RARS2: variants seen among roughly 807,000 people sequenced by gnomAD.
RARS2 encodes arginyl-tRNA synthetase 2, mitochondrial.
RARS2 carries 67 observed loss-of-function variants against 88.5 expected under a neutral mutation model. The ratio of observed to expected loss-of-function variants is 0.76; its 90% CI spans 0.62 to 0.93. The LOEUF is 0.93. Ranked by LOEUF, RARS2 falls within the 40% of genes least tolerant of loss-of-function variation. The pLI, the probability that RARS2 is intolerant of heterozygous loss-of-function variation, is 0.00. For synonymous variants in RARS2, 239 were observed against 230.3 expected, an observed-to-expected ratio of 1.04 and a Z score of -0.34; for missense variants, 664 against 684.2, an observed-to-expected ratio of 0.97 and a Z score of 0.33.
rs373101415 is a variant in RARS2 at position 87,530,960 on chromosome 6, C to A, written c.613-18G>T. The A allele has an allele frequency of 6.2e-7, 1 of 1,613,592 alleles. No homozygotes were observed. Among genetic ancestry groups the A allele is most frequent in the Non-Finnish European group, 8.5e-7 (1 of 1,179,920 alleles). On this transcript the variant is annotated intron_variant, in intron 8 of 19. Transcript: ENST00000369536. Reference sequence around the variant, plus strand: ...ACATAAACCTAAAAGTACAATAGTACATTAAATGAAGTACATAACAGGTCA... The same window carrying A: ...ACATAAACCTAAAAGTACAATAGTAAATTAAATGAAGTACATAACAGGTCA...
chr6:87,522,844 A>T, intron 11 of RARS2, among the ~76,000 whole-genome samples: 1 of 152,186 alleles, frequency 6.6e-6, no homozygotes, highest in Non-Finnish European at 1.5e-5. Context: ...TTCTGGCCTC[A>T]AGTGATCCTC....
chr6:87,547,002 T>C (rs951891341), intron 6 of RARS2, among the ~76,000 whole-genome samples: 1 of 152,234 alleles, frequency 6.6e-6, no homozygotes, highest in Non-Finnish European at 1.5e-5. Flanking sequence ...TTTCAAATCC[T>C]GGCTACAATA....
intron 1 of RARS2, 186 bp downstream of exon 1, chr6:87,589,736 C>T (rs1239871142): frequency 1.0e-6 from 1 of 985,356 alleles, no homozygotes. Context: ...ACAAACTGAT[C>T]CCAGCCGACG....
intron 4 of RARS2, among the ~76,000 whole-genome samples, chr6:87,560,855 T>G (rs1270560104): frequency 2.0e-5 from 3 of 152,182 alleles, no homozygotes; most frequent in Middle Eastern, 3.2e-3. Context: ...GCCATTGCAC[T>G]CCAGCCTGGG....
intron 6 of RARS2, among the ~76,000 whole-genome samples, chr6:87,547,967 C>T (rs1241402418): frequency 1.3e-5 from 2 of 152,156 alleles, no homozygotes; most frequent in African/African-American, 2.4e-5. Flanking sequence ...AACTTCCAGT[C>T]TTGAACATTC....
At chr6:87,562,636 G>A in intron 4 of RARS2, 66 bp downstream of exon 4, 1 of 1,232,200 alleles carries the variant, frequency 8.1e-7, no homozygotes, top group Non-Finnish European at 1.2e-6. Flanking sequence ...AAAAACTGGA[G>A]GAAGACCACT....
intron 14 of RARS2, 96 bp downstream of exon 14, chr6:87,519,487 G>T: frequency 7.3e-7 from 1 of 1,365,822 alleles, no homozygotes; most frequent in Non-Finnish European, 1.0e-6. Context: ...ACACTTCAAT[G>T]GAGGGACAGA....
chr6:87,551,296 T>C (rs950305214), intron 5 of RARS2, among the ~76,000 whole-genome samples: 5 of 152,174 alleles, frequency 3.3e-5, no homozygotes, highest in Non-Finnish European at 7.4e-5. Context: ...AATTACTTCA[T>C]GTAATTTCCT....
intron 4 of RARS2, 67 bp downstream of exon 4, chr6:87,562,635 A>G: frequency 8.2e-7 from 1 of 1,216,770 alleles, no homozygotes; most frequent in Admixed American, 1.7e-5. Flanking sequence ...TAAAAACTGG[A>G]GGAAGACCAC....
intron 10 of RARS2, among the ~76,000 whole-genome samples, chr6:87,528,561 A>G (rs1306632290): frequency 6.6e-6 from 1 of 152,240 alleles, no homozygotes; most frequent in African/African-American, 2.4e-5. Flanking sequence ...TTCAGCCTTA[A>G]AATAAAAGGA....
At chr6:87,524,758 T>C (rs764185512) in intron 10 of RARS2, 106 bp from the exon 11 acceptor site, 9 of 807,084 alleles carry the variant, frequency 1.1e-5, no homozygotes, top group Admixed American at 1.9e-5. Context: ...ATTACCCACG[T>C]TGCAATGAGC....
chr6:87,586,041 C>T (rs994497878), intron 1 of RARS2, among the ~76,000 whole-genome samples: 5 of 152,104 alleles, frequency 3.3e-5, no homozygotes, highest in African/African-American at 4.8e-5. Flanking sequence ...GGTAGAGACT[C>T]GTGCAACAAA....
intron 18 of RARS2, chr6:87,515,794 A>G (rs1307267626): frequency 1.3e-5 from 2 of 151,838 alleles, no homozygotes; most frequent in Non-Finnish European, 2.9e-5. Flanking sequence ...ATGACATTTC[A>G]TAAGACTTGG....
chr6:87,582,451 T>C (rs1364979842), intron 1 of RARS2, among the ~76,000 whole-genome samples: 4 of 152,272 alleles, frequency 2.6e-5, no homozygotes, highest in Middle Eastern at 6.8e-3. Context: ...TTTAATGGGG[T>C]TGTTTTAAGT....
At chr6:87,580,817 A>T (rs1000848467) in intron 1 of RARS2, among the ~76,000 whole-genome samples, 2 of 152,046 alleles carry the variant, frequency 1.3e-5, no homozygotes, top group African/African-American at 2.4e-5. Flanking sequence ...AGGGAATATC[A>T]AGTGAAAATT....
intron 18 of RARS2, among the ~76,000 whole-genome samples, chr6:87,516,338 T>G (rs1355054272): frequency 6.6e-6 from 1 of 152,226 alleles, no homozygotes; most frequent in Non-Finnish European, 1.5e-5. Context: ...AATGCCTCAG[T>G]ACATGGCAAA....
chr6:87,536,438 C>T (rs1028101073), intron 8 of RARS2, among the ~76,000 whole-genome samples: 8 of 151,796 alleles, frequency 5.3e-5, no homozygotes, highest in African/African-American at 1.9e-4. Flanking sequence ...AGTTTGAGAC[C>T]AGCCTGGCCA....
intron 1 of RARS2, among the ~76,000 whole-genome samples, chr6:87,589,409 G>C (rs1414598341): frequency 1.3e-5 from 2 of 152,144 alleles, no homozygotes; most frequent in Non-Finnish European, 2.9e-5. Context: ...CCTCACAACA[G>C]AGCTGTTCAA....
At chr6:87,582,994 A>G (rs1043048753) in intron 1 of RARS2, among the ~76,000 whole-genome samples, 1 of 152,238 alleles carries the variant, frequency 6.6e-6, no homozygotes, top group Admixed American at 6.5e-5. Context: ...AGACTGGAAT[A>G]TGGACTGTAA....
Sources: allele counts gnomAD v4.1 joint callset (sites outside exome capture counted in the v4.1 genomes callset), GRCh38; gene constraint gnomAD v4.1.1; transcripts MANE v1.5; gene names NCBI Gene and HGNC (gene_info 2026-07-23, HGNC 2026-07-21).